PPFIBP1: variants seen among roughly 807,000 people sequenced by gnomAD.
PPFIBP1 encodes PPFIB scaffold protein 1.
Under a neutral mutation model 137.8 loss-of-function variants are expected in PPFIBP1, and 112 were observed. The observed-to-expected ratio is 0.81, with a 90% confidence interval of 0.70 to 0.95. PPFIBP1 has a LOEUF of 0.95. Among genes scored for constraint, PPFIBP1 ranks in the 40% least tolerant of loss-of-function variants. PPFIBP1 has a pLI of 0.00. For synonymous variants in PPFIBP1, 378 were observed against 417.3 expected (o/e 0.91, Z 1.15); for missense variants, 1,083 against 1,196.6 (o/e 0.91, Z 1.40).
At chr12:27,646,689 C>T (rs991431494) in intron 5 of PPFIBP1, among the ~76,000 whole-genome samples, 3 of 152,104 alleles carry the variant, frequency 2.0e-5, no homozygotes, top group African/African-American at 7.2e-5. Flanking sequence ...AAATGTTACC[C>T]TGTGTGAGAC....
intron 2 of PPFIBP1, among the ~76,000 whole-genome samples, chr12:27,582,211 C>T (rs138904939): frequency 2.8e-4 from 42 of 151,962 alleles, no homozygotes; most frequent in African/African-American, 9.9e-4. Flanking sequence ...AAATAAGTGG[C>T]GTGTGTATGT....
intron 4 of PPFIBP1, among the ~76,000 whole-genome samples, chr12:27,637,826 G>T (rs1363814538): frequency 6.6e-6 from 1 of 152,116 alleles, no homozygotes; most frequent in Non-Finnish European, 1.5e-5. Context: ...ACAAGTAGAA[G>T]ATTATATACT....
At chr12:27,564,729 T>C (rs1241521265) in intron 1 of PPFIBP1, among the ~76,000 whole-genome samples, 1 of 152,180 alleles carries the variant, frequency 6.6e-6, no homozygotes, top group Non-Finnish European at 1.5e-5. Flanking sequence ...CTTTCTCATC[T>C]TGCTTTCCGG....
intron 6 of PPFIBP1, 125 bp from the exon 7 acceptor site, chr12:27,649,885 C>T (rs2058770853): frequency 2.3e-6 from 2 of 872,760 alleles, no homozygotes; most frequent in East Asian, 3.0e-5. Context: ...TGTGTAGATT[C>T]AGTAATTATA....
In PPFIBP1 at chr12:27,671,479, A is replaced by G; in HGVS notation, c.1195A>G (p.Thr399Ala). The change falls in exon 14 of 30, where the codon ACT (threonine) becomes GCT (alanine). Residue 399 changes from threonine (T) to alanine (A), a missense_variant. By Grantham distance (58) the Thr-to-Ala change is moderately conservative. Transcript: ENST00000228425. ...QVSIPSLLPATVSMETSEKSK... is the reference protein window; with the variant it reads ...QVSIPSLLPAAVSMETSEKSK... ...TTCCATCCCTTCATTATTGCCAGCA[A>G]CTGTAAGCATGGAAACTTCTGAAAA... The G allele has an allele frequency of 1.9e-6, 3 of 1,602,950 alleles. No homozygotes were observed. The highest frequency in any genetic ancestry group is 2.6e-6 in the Non-Finnish European group (3 of 1,175,964).
chr12:27,532,427 G>T (rs1181566686), intron 1 of PPFIBP1, among the ~76,000 whole-genome samples: 6 of 151,118 alleles, frequency 4.0e-5, no homozygotes, highest in African/African-American at 1.5e-4. Context: ...AAGTGGGATG[G>T]CTTATGGGAG....
At chr12:27,576,958 G>A (rs573096696) in intron 1 of PPFIBP1, among the ~76,000 whole-genome samples, 6 of 152,096 alleles carry the variant, frequency 3.9e-5, no homozygotes, top group East Asian at 1.9e-4. Flanking sequence ...CTTTCAGAGC[G>A]CACCCTAGTC....
chr12:27,527,531 TG>T (rs1486926946), intron 1 of PPFIBP1, among the ~76,000 whole-genome samples: 1 of 152,148 alleles, frequency 6.6e-6, no homozygotes, highest in Non-Finnish European at 1.5e-5. Context: ...GAGTGAGCCC[TG>T]GGTGCCCAGC....
Position 27,536,669 on chromosome 12 carries a change from A to G in PPFIBP1, c.-124+12304A>G, listed in dbSNP as rs1248344947. Among the ~76,000 whole-genome samples the G allele has an allele frequency of 3.9e-5, 6 of 152,252 alleles. No individual in the cohort carries two copies. The South Asian group carries it at 1.2e-3, about 32-fold the overall frequency. ...TTCAACATGCGATTTGGAGGGGCCA[A>G]ACATCCAAATCATATCACATCGTTC... On this transcript the variant is annotated intron_variant, in intron 1 of 29. Coordinates refer to ENST00000228425, the MANE Select transcript of PPFIBP1 (RefSeq NM_003622.4).
chr12:27,526,457 G>A lies in PPFIBP1; in HGVS notation c.-124+2092G>A, dbSNP rs546522937. Among the ~76,000 whole-genome samples, 14 of 150,780 alleles carry A rather than the reference G, an allele frequency of 9.3e-5. 1 individual carries two copies. The South Asian group carries it at 2.8e-3, about 31-fold the overall frequency. On this transcript the variant is annotated intron_variant, in intron 1 of 29. Coordinates refer to ENST00000228425, the MANE Select transcript of PPFIBP1 (RefSeq NM_003622.4). ...GGAAAACACGGAATACTTAAAAGAT[G>A]TTTGAGTTATTGAGAAAGGTAGGAT... is the stretch of plus-strand genomic sequence containing the variant.
intron 2 of PPFIBP1, among the ~76,000 whole-genome samples, chr12:27,611,791 T>G (rs1484300169): frequency 6.7e-6 from 1 of 148,432 alleles, no homozygotes; most frequent in African/African-American, 2.5e-5. Context: ...CTGTGCTCTC[T>G]CTCTCTCTCT....
At chr12:27,573,211 G>A (rs766781843) in intron 1 of PPFIBP1, among the ~76,000 whole-genome samples, 2 of 152,176 alleles carry the variant, frequency 1.3e-5, no homozygotes, top group Non-Finnish European at 2.9e-5. Context: ...TATTGAGAAA[G>A]CAAAACAGAC....
At chr12:27,646,191 A>T in intron 5 of PPFIBP1, 43 bp downstream of exon 5, 1 of 1,488,490 alleles carries the variant, frequency 6.7e-7, no homozygotes, top group Non-Finnish European at 9.3e-7. Context: ...CAGCATACTT[A>T]CAAAGCCTTT....
intron 1 of PPFIBP1, among the ~76,000 whole-genome samples, chr12:27,554,415 A>C (rs1947072946): frequency 6.6e-6 from 1 of 152,246 alleles, no homozygotes; most frequent in Admixed American, 6.5e-5. Context: ...TATTTTTATC[A>C]GTGATTGGGA....
At chr12:27,598,742 C>T (rs1437759964) in intron 2 of PPFIBP1, among the ~76,000 whole-genome samples, 1 of 152,154 alleles carries the variant, frequency 6.6e-6, no homozygotes, top group Non-Finnish European at 1.5e-5. Context: ...GTAGTCACTT[C>T]TAAATGGTAA....
At chr12:27,557,230 T>C (rs1008506924) in intron 1 of PPFIBP1, among the ~76,000 whole-genome samples, 1 of 113,620 alleles carries the variant, frequency 8.8e-6, no homozygotes, top group African/African-American at 3.5e-5. Context: ...AGTAATACCA[T>C]GGTAACAATT....
intron 2 of PPFIBP1, among the ~76,000 whole-genome samples, chr12:27,583,102 C>T (rs73292100): frequency 6.6e-6 from 1 of 152,290 alleles, no homozygotes; most frequent in African/African-American, 2.4e-5. Flanking sequence ...GCATTTTGTA[C>T]TCTATTTTGG....
At chr12:27,628,020 GA>G (rs2056974255) in intron 2 of PPFIBP1, among the ~76,000 whole-genome samples, 1 of 151,944 alleles carries the variant, frequency 6.6e-6, no homozygotes, top group Admixed American at 6.6e-5. Context: ...CTATGACTTT[GA>G]ACCCCAGCTT....
chr12:27,647,767 G>A lies in PPFIBP1; in HGVS notation c.396G>A (p.Glu132=), dbSNP rs759582515. 1.6e-5 allele frequency: 26 copies of A among 1,610,830 alleles called. No individual in the cohort carries two copies. The highest frequency in any genetic ancestry group is 3.3e-4 in the Middle Eastern group (2 of 6,076). Residue 132 remains glutamate (E), a synonymous_variant, in exon 6 of 30, where the codon GAG becomes GAA. Transcript: ENST00000228425. ...CAGACCAGGTGGAGGCTCAGGGAGA[G>A]AAGATTCGAGATTTGGAGTTTTGTC... ...VLTDQVEAQG[E]KIRDLEFCLE... is the part of the protein sequence containing the mutation.
Sources: gnomAD v4.1 joint callset for allele counts (sites outside exome capture counted in the v4.1 genomes callset) on GRCh38, gnomAD v4.1.1 for gene constraint, MANE v1.5 for transcripts, NCBI Gene and HGNC (gene_info 2026-07-23, HGNC 2026-07-21) for gene names.